SRGAP3: variants seen among roughly 807,000 people sequenced by gnomAD.
The protein encoded by SRGAP3 is SLIT-ROBO Rho GTPase activating protein 3, also known as SLIT-ROBO Rho GTPase-activating protein 3.
Under a neutral mutation model 121.1 loss-of-function variants are expected in SRGAP3, and 39 were observed. That is an observed-to-expected ratio of 0.32 (90% CI 0.25 to 0.42). SRGAP3 has a LOEUF of 0.42. Among genes scored for constraint, SRGAP3 ranks in the 10% least tolerant of loss-of-function variants. The pLI is 1.00. For synonymous variants in SRGAP3, 601 were observed against 570.0 expected (o/e 1.05, Z -0.77); for missense variants, 1,213 against 1,470.6 (o/e 0.82, Z 2.86).
intron 2 of SRGAP3, among the ~76,000 whole-genome samples, chr3:9,123,022 C>A (rs897256346): frequency 1.3e-5 from 2 of 152,206 alleles, no homozygotes; most frequent in Non-Finnish European, 2.9e-5. Flanking sequence ...AACATTCTGA[C>A]ACATGCTACC....
At chr3:9,096,982 C>T (rs802794) in intron 3 of SRGAP3, among the ~76,000 whole-genome samples, 7,700 of 38,408 alleles carry the variant, frequency 0.2, 379 homozygotes, top group Non-Finnish European at 0.26. Flanking sequence ...TATATATATA[C>T]ACATACACAC....
At position 9,249,121 on chromosome 3, in the gene SRGAP3, G is replaced by C; in HGVS notation, c.-170C>G. ...AGGGAGAAAAATCCTTCTCCTTCTG[G>C]AAGGAAAAATCTCTTTACTTGCCGA... On this transcript the variant is annotated 5_prime_UTR_variant, in exon 1 of 22. Coordinates refer to ENST00000383836, the MANE Select transcript of SRGAP3 (RefSeq NM_014850.4). 1 of 709,872 alleles carries C rather than the reference G, an allele frequency of 1.4e-6. No homozygotes were observed. Among genetic ancestry groups the C allele is most frequent in the Non-Finnish European group, 2.5e-6 (1 of 406,792 alleles). 44.0% of individuals were successfully genotyped at this position (709,872 alleles called of 1,614,324 possible). A position where few individuals can be genotyped will look rare whatever the true frequency, so the allele number is the denominator to read the frequency against.
intron 14 of SRGAP3, among the ~76,000 whole-genome samples, chr3:9,019,044 T>C (rs1466740414): frequency 6.6e-6 from 1 of 152,244 alleles, no homozygotes; most frequent in Non-Finnish European, 1.5e-5. Flanking sequence ...TTCCTCTATT[T>C]ATTATTTTTT....
chr3:9,047,690 G>A (rs1345420690), intron 9 of SRGAP3, among the ~76,000 whole-genome samples: 1 of 152,220 alleles, frequency 6.6e-6, no homozygotes, highest in Non-Finnish European at 1.5e-5. Flanking sequence ...GCCCTTGGAG[G>A]GCTCCAGGCC....
intron 3 of SRGAP3, among the ~76,000 whole-genome samples, chr3:9,084,378 T>G (rs1018831661): frequency 2.6e-5 from 4 of 152,160 alleles, no homozygotes; most frequent in African/African-American, 9.7e-5. Context: ...GAGAAAGACT[T>G]CTGTGGTCAA....
intron 3 of SRGAP3, among the ~76,000 whole-genome samples, chr3:9,305,310 C>T (rs922335535): frequency 6.9e-6 from 1 of 144,480 alleles, no homozygotes; most frequent in Non-Finnish European, 1.5e-5. Flanking sequence ...GCGAACGCTG[C>T]GGTGTAACAG....
At chr3:9,331,716 G>C (rs1955610621) in intron 1 of SRGAP3, among the ~76,000 whole-genome samples, 1 of 152,160 alleles carries the variant, frequency 6.6e-6, no homozygotes, top group South Asian at 2.1e-4. Context: ...AGGACTTGCA[G>C]ATTTCACTCT....
At chr3:9,341,461 G>A in intron 1 of SRGAP3, among the ~76,000 whole-genome samples, 1 of 152,202 alleles carries the variant, frequency 6.6e-6, no homozygotes, top group Non-Finnish European at 1.5e-5. Flanking sequence ...ATACCCAGGA[G>A]AAGGAAAATA....
At chr3:9,204,093 A>G (rs984525145) in intron 1 of SRGAP3, among the ~76,000 whole-genome samples, 2 of 152,240 alleles carry the variant, frequency 1.3e-5, no homozygotes, top group Non-Finnish European at 2.9e-5. Flanking sequence ...TCCATTATTC[A>G]GGGACCAACA....
intron 13 of SRGAP3, 59 bp downstream of exon 13, chr3:9,026,876 G>A (rs1944233800): frequency 6.3e-7 from 1 of 1,580,432 alleles, no homozygotes; most frequent in Non-Finnish European, 8.7e-7. Context: ...TTTCCTATCA[G>A]AACAGCCTAG....
intron 11 of SRGAP3, 72 bp downstream of exon 11, chr3:9,037,991 G>T: frequency 6.2e-7 from 1 of 1,600,826 alleles, no homozygotes; most frequent in Non-Finnish European, 8.6e-7. Flanking sequence ...GCTCCTGGCA[G>T]TGCCTCCCCA....
At position 8,990,498 on chromosome 3, in the gene SRGAP3, C is replaced by T. The variant is rs770555281; in HGVS notation, c.2886+14G>A. The T allele has an allele frequency of 6.4e-7, 1 of 1,550,860 alleles. No homozygotes were observed. Among genetic ancestry groups the T allele is most frequent in the South Asian group, 1.2e-5 (1 of 84,064 alleles). On this transcript the variant is annotated intron_variant, in intron 21 of 21. Transcript: ENST00000383836. ...GCTTTTGGCTGCCCAGCCTGCCTTC[C>T]CGCTGGCCCTTACTTCTGCCAGGGC... is the stretch of plus-strand genomic sequence containing the variant.
rs753327611 is a variant in SRGAP3, at chr3:9,026,966, G to A, written c.1569C>T (p.Val523=). ...AATTGATGTAACGGATGCAGCTCTC[G>A]ACTACAAGCGGTATAGCTTGTCCTG... ...KDSGQAIPLV[V]ESCIRYINLY... The change falls in exon 13 of 22, where the codon GTC becomes GTT. Residue 523 remains valine, a synonymous_variant. Transcript: ENST00000383836. 7 of 1,614,154 alleles carry A rather than the reference G, an allele frequency of 4.3e-6. No individual in the cohort carries two copies. The highest frequency in any genetic ancestry group is 1.7e-5 in the Admixed American group (1 of 60,026).
chr3:9,263,554 C>T (rs1954294545), intron 3 of SRGAP3, among the ~76,000 whole-genome samples: 1 of 152,102 alleles, frequency 6.6e-6, no homozygotes, highest in Non-Finnish European at 1.5e-5. Flanking sequence ...CCACTGATCC[C>T]ACAGAAATAC....
intron 1 of SRGAP3, among the ~76,000 whole-genome samples, chr3:9,186,782 T>A (rs1951606941): frequency 6.6e-6 from 1 of 152,156 alleles, no homozygotes; most frequent in African/African-American, 2.4e-5. Context: ...TCTACTCAAT[T>A]TGAGTCCACC....
intron 1 of SRGAP3, among the ~76,000 whole-genome samples, chr3:9,203,206 T>C (rs1952128645): frequency 6.6e-6 from 1 of 152,166 alleles, no homozygotes; most frequent in African/African-American, 2.4e-5. Context: ...CCACCAGCTA[T>C]GTCCCTGCAG....
intron 1 of SRGAP3, among the ~76,000 whole-genome samples, chr3:9,157,802 T>A (rs2675179): frequency 0.9 from 137,449 of 152,250 alleles, 62,205 homozygotes; most frequent in African/African-American, 0.92. Context: ...CACATATGTA[T>A]ATGTCACACT....
intron 13 of SRGAP3, among the ~76,000 whole-genome samples, chr3:9,025,561 G>A (rs1944154628): frequency 6.6e-6 from 1 of 152,118 alleles, no homozygotes; most frequent in African/African-American, 2.4e-5. Context: ...GTGATCTTCT[G>A]TTTGAGCTTA....
At chr3:9,341,545 TCAG>T (rs1350010285) in intron 1 of SRGAP3, among the ~76,000 whole-genome samples, 2 of 151,972 alleles carry the variant, frequency 1.3e-5, no homozygotes, top group African/African-American at 4.8e-5. Context: ...GGAGAAGAGG[TCAG>T]CAGCAACACA....
Sources: gnomAD v4.1 joint callset for allele counts (sites outside exome capture counted in the v4.1 genomes callset) on GRCh38, gnomAD v4.1.1 for gene constraint, MANE v1.5 for transcripts, NCBI Gene and HGNC (gene_info 2026-07-23, HGNC 2026-07-21) for gene names.